Variants in MTO1 observed in about 807,000 individuals in gnomAD.
MTO1 encodes the protein mitochondrial tRNA translation optimization 1.
In MTO1, 46 loss-of-function variants were observed where a neutral mutation model predicts 71.6. That is an observed-to-expected ratio of 0.64 (90% CI 0.51 to 0.82). MTO1 has a LOEUF of 0.82. MTO1 is among the 40% of genes least tolerant of loss of function. MTO1 has a pLI of 0.00. For missense variants in MTO1, 773 were observed against 867.5 expected (o/e 0.89, Z 1.37); for synonymous variants, 297 against 312.1 (o/e 0.95, Z 0.51).
chr6:73,463,525 G>A (rs1770887706), intron 1 of MTO1, among the ~76,000 whole-genome samples: 1 of 152,034 alleles, frequency 6.6e-6, no homozygotes, highest in African/African-American at 2.4e-5. Flanking sequence ...TTTTGCTTAG[G>A]AGCGAGCAGT....
chr6:73,461,810 C>T lies in MTO1; in HGVS notation c.-45C>T, dbSNP rs375406465. The T allele has an allele frequency of 3.2e-6, 5 of 1,582,424 alleles. No homozygotes were observed. Among genetic ancestry groups the T allele is most frequent in the African/African-American group, 2.7e-5 (2 of 74,170 alleles). On this transcript the variant is annotated 5_prime_UTR_variant, in exon 1 of 12. Coordinates refer to ENST00000498286, the MANE Select transcript of MTO1 (RefSeq NM_012123.4). The stretch of plus-strand genomic sequence containing the variant: ...CTCTTGTTGCGTAAGTTTTTTTGAC[C>T]GTCACTCGTGTCAGCTTCAAAGTCA...
chr6:73,481,930 A>AAT (rs771822716), intron 7 of MTO1, 110 bp from the exon 8 acceptor site: 23 of 1,135,872 alleles, frequency 2.0e-5, no homozygotes, highest in Non-Finnish European at 3.0e-5. Flanking sequence ...CCTTAGGGGC[A>AAT]ATACTTGCTT....
rs1052947848 is a variant in MTO1 at position 73,507,942 on chromosome 6, A to C, written c.*7207A>C. The C allele has an allele frequency of 1.4e-5, 2 of 142,818 alleles. No individual in the cohort carries two copies. Among genetic ancestry groups the C allele is most frequent in the Admixed American group, 7.6e-5 (1 of 13,166 alleles). The allele number at this position is 142,818 out of a possible 1,614,324, so 8.8% of individuals were successfully genotyped here. A position where few individuals can be genotyped will look rare whatever the true frequency, so the allele number is the denominator to read the frequency against. On this transcript the variant is annotated 3_prime_UTR_variant, in exon 12 of 12. Coordinates refer to ENST00000498286, the MANE Select transcript of MTO1 (RefSeq NM_012123.4). ...CAATGAGCCGAGATCGCGCCACTGC[A>C]CTCTAGCCTGGGCGACAAAGCGAGA...
intron 3 of MTO1, among the ~76,000 whole-genome samples, chr6:73,469,346 C>T (rs1182689329): frequency 5.3e-5 from 8 of 150,894 alleles, no homozygotes; most frequent in African/African-American, 1.9e-4. Context: ...GGCACTAGGT[C>T]GGGCATGGTG....
chr6:73,480,900 T>C, intron 7 of MTO1, 95 bp downstream of exon 7: 1 of 1,301,216 alleles, frequency 7.7e-7, no homozygotes, highest in Non-Finnish European at 1.1e-6. Flanking sequence ...AGATCTTAGA[T>C]ACAATTCATA....
At chr6:73,475,473 G>C (rs1771285700) in intron 4 of MTO1, among the ~76,000 whole-genome samples, 1 of 150,910 alleles carries the variant, frequency 6.6e-6, no homozygotes, top group African/African-American at 2.4e-5. Context: ...TTTTAGTAGA[G>C]ACAGGGTTTC....
At chr6:73,477,493 AT>A (rs1771359316) in intron 4 of MTO1, among the ~76,000 whole-genome samples, 8 of 150,246 alleles carry the variant, frequency 5.3e-5, no homozygotes, top group Admixed American at 5.3e-4. Flanking sequence ...TAATTGGTAA[AT>A]ATTGTCCAAA....
chr6:73,477,307 A>AAT (rs1205165638), intron 4 of MTO1, among the ~76,000 whole-genome samples: 1 of 148,436 alleles, frequency 6.7e-6, no homozygotes, highest in African/African-American at 2.5e-5. Context: ...GAGGCATGAG[A>AAT]ATCGCTTGAA....
chr6:73,491,079 A>C (rs1771788543), intron 9 of MTO1, among the ~76,000 whole-genome samples: 1 of 152,190 alleles, frequency 6.6e-6, no homozygotes, highest in Non-Finnish European at 1.5e-5. Flanking sequence ...GGCCTAGGTA[A>C]GTTGCCTGGG....
intron 9 of MTO1, chr6:73,487,493 T>G (rs892146898): frequency 6.7e-6 from 1 of 150,128 alleles, no homozygotes; most frequent in African/African-American, 2.4e-5. Flanking sequence ...TGCTTTCAAT[T>G]TTTTTGAGTG....
At chr6:73,485,441 C>CTTTT (rs1234020094) in intron 9 of MTO1, among the ~76,000 whole-genome samples, 17 of 142,118 alleles carry the variant, frequency 1.2e-4, no homozygotes, top group East Asian at 2.0e-4. Context: ...TTCTTTCTTT[C>CTTTT]TTTTTTTTTT....
intron 10 of MTO1, among the ~76,000 whole-genome samples, chr6:73,496,574 G>A (rs1771982216): frequency 1.3e-5 from 2 of 150,370 alleles, no homozygotes; most frequent in Non-Finnish European, 2.9e-5. Context: ...ATGCTGGTGT[G>A]CTGCACCCAT....
At chr6:73,466,159 T>G (rs1289609403) in intron 1 of MTO1, 50 bp from the exon 2 acceptor site, 1 of 1,471,074 alleles carries the variant, frequency 6.8e-7, no homozygotes. Context: ...AAGTAGTCAC[T>G]ATGTGCAAGG....
chr6:73,471,386 A>G, intron 3 of MTO1: 1 of 428,406 alleles, frequency 2.3e-6, no homozygotes, highest in South Asian at 1.7e-5. Context: ...TATTGTTTTT[A>G]TTAGTATTTA....
At chr6:73,492,430 T>C in intron 10 of MTO1, 78 bp downstream of exon 10, 1 of 993,500 alleles carries the variant, frequency 1.0e-6, no homozygotes, top group South Asian at 1.3e-5. Context: ...ATTATTACTG[T>C]TGGACCAGCA....
intron 10 of MTO1, among the ~76,000 whole-genome samples, chr6:73,496,041 C>T (rs549706805): frequency 6.6e-6 from 1 of 152,274 alleles, no homozygotes; most frequent in South Asian, 2.1e-4. Context: ...CACAACTATT[C>T]TTTGTTGCCA....
chr6:73,467,168 A>C (rs1771023240), intron 3 of MTO1, among the ~76,000 whole-genome samples: 1 of 151,992 alleles, frequency 6.6e-6, no homozygotes, highest in Admixed American at 6.6e-5. Flanking sequence ...TACAAAAATT[A>C]GCCGGTGTGG....
intron 1 of MTO1, chr6:73,464,029 C>G (rs548852376): frequency 3.3e-5 from 5 of 152,232 alleles, no homozygotes; most frequent in African/African-American, 1.2e-4. Flanking sequence ...GTGTGAGCCA[C>G]CACACCTGGC....
At chr6:73,473,276 T>TTAGA (rs1771200663) in intron 3 of MTO1, 89 bp from the exon 4 acceptor site, 1 of 1,222,710 alleles carries the variant, frequency 8.2e-7, no homozygotes, top group Non-Finnish European at 1.1e-6. Context: ...AGACTTCATC[T>TTAGA]CAGATAGATA....
Sources: allele counts gnomAD v4.1 joint callset (sites outside exome capture counted in the v4.1 genomes callset), GRCh38; gene constraint gnomAD v4.1.1; transcripts MANE v1.5; gene names NCBI Gene and HGNC (gene_info 2026-07-23, HGNC 2026-07-21).